The following DPP10 variants were observed in gnomAD, a reference collection of about 807,000 sequenced individuals.
The protein encoded by DPP10 is inactive dipeptidyl peptidase 10.
In DPP10, 33 loss-of-function variants were observed where a neutral mutation model predicts 120.9. The observed-to-expected ratio is 0.27, with a 90% CI of 0.21 to 0.37. The LOEUF (loss-of-function observed/expected upper bound fraction) is 0.37, where lower values mean the gene tolerates loss of function less well. Ranked by LOEUF, DPP10 falls within the 10% of genes least tolerant of loss-of-function variation. DPP10 has a pLI of 1.00. For missense variants in DPP10, 816 were observed against 942.8 expected (o/e 0.87, Z 1.76); for synonymous variants, 337 against 326.1 (o/e 1.03, Z -0.36).
intron 1 of DPP10, among the ~76,000 whole-genome samples, chr2:114,978,668 C>T (rs1699897848): frequency 6.6e-6 from 1 of 152,080 alleles, no homozygotes; most frequent in Admixed American, 6.6e-5. Flanking sequence ...CTTCCAAGTC[C>T]TGGTTTCAGC....
chr2:114,929,868 G>A (rs1695940221), intron 1 of DPP10, among the ~76,000 whole-genome samples: 1 of 152,190 alleles, frequency 6.6e-6, no homozygotes, highest in African/African-American at 2.4e-5. Context: ...TTCAGAGACT[G>A]CAGTAACGAC....
rs186893376 is a variant in DPP10, at chr2:115,282,836, A to G, written c.61-26403A>G. The stretch of plus-strand genomic sequence containing the variant: ...TTTGTTTCAGTCTCACTGACAAAAT[A>G]CCTTTCCCATTTTGTGCCTTAATTT... On this transcript the variant is annotated intron_variant, in intron 1 of 25. Transcript: ENST00000410059. Among the ~76,000 whole-genome samples the G allele has an allele frequency of 3.7e-3, 557 of 151,816 alleles. 4 individuals carry two copies. The highest frequency in any genetic ancestry group is 0.012 in the African/African-American group (494 of 41,142).
intron 1 of DPP10, among the ~76,000 whole-genome samples, chr2:115,105,336 C>A (rs1422443050): frequency 6.6e-6 from 1 of 151,828 alleles, no homozygotes; most frequent in Non-Finnish European, 1.5e-5. Flanking sequence ...GTCCAAGAAG[C>A]ATGGTGCTAG....
intron 3 of DPP10, among the ~76,000 whole-genome samples, chr2:115,346,566 C>G (rs946716925): frequency 6.6e-6 from 1 of 152,104 alleles, no homozygotes; most frequent in African/African-American, 2.4e-5. Flanking sequence ...CGGCCTTACC[C>G]CAAGTCTGCT....
At chr2:115,387,219 T>C (rs957311924) in intron 3 of DPP10, among the ~76,000 whole-genome samples, 11 of 152,100 alleles carry the variant, frequency 7.2e-5, no homozygotes, top group Admixed American at 2.6e-4. Context: ...TTTCTAGCAA[T>C]AGAAGGCTCC....
intron 1 of DPP10, among the ~76,000 whole-genome samples, chr2:114,487,627 TAATA>T (rs1226310242): frequency 6.6e-6 from 1 of 152,214 alleles, no homozygotes; most frequent in African/African-American, 2.4e-5. Context: ...ACAGTGTCTT[TAATA>T]AATCAATTTA....
chr2:115,384,185 G>C (rs1412452068), intron 3 of DPP10, among the ~76,000 whole-genome samples: 1 of 152,096 alleles, frequency 6.6e-6, no homozygotes, highest in African/African-American at 2.4e-5. Context: ...ATAGAAACCA[G>C]AGTTCCTCTT....
At chr2:114,698,436 C>T (rs116367556) in intron 1 of DPP10, among the ~76,000 whole-genome samples, 4,980 of 152,210 alleles carry the variant, frequency 0.033, 124 homozygotes, top group Middle Eastern at 0.065. Flanking sequence ...AGCCAAGACT[C>T]CCCAGGGTGC....
At chr2:115,103,184 CTTTTTTTTTTTTTT>C (rs71394123) in intron 1 of DPP10, among the ~76,000 whole-genome samples, 1 of 122,154 alleles carries the variant, frequency 8.2e-6, no homozygotes, top group East Asian at 2.3e-4. Context: ...CTGATTCTCT[CTTTTTTTTTTTTTT>C]TTTTTTTGAG....
In DPP10 at chr2:115,397,760, A is replaced by T. The variant is rs185767665; in HGVS notation, c.271+53848A>T. 4.6e-5 allele frequency among the ~76,000 whole-genome samples: 7 copies of T among 152,134 alleles called. 1 individual carries two copies. The East Asian group carries it at 1.4e-3, about 29-fold the overall frequency. On this transcript the variant is annotated intron_variant, in intron 3 of 25. Coordinates refer to ENST00000410059, the MANE Select transcript of DPP10 (RefSeq NM_020868.6). ...TTGGCTGTGATTTTCCGGTTACTTG[A>T]ATTTCTTGTCTGCCTTCTTTGAGCT...
intron 3 of DPP10, among the ~76,000 whole-genome samples, chr2:115,498,772 G>A (rs891179957): frequency 5.4e-5 from 8 of 149,484 alleles, no homozygotes; most frequent in East Asian, 3.9e-4. Flanking sequence ...GTTTTACCTC[G>A]TTAGTAATTT....
chr2:115,815,129 T>C (rs79224686), intron 20 of DPP10, 142 bp downstream of exon 20: 48 of 564,014 alleles, frequency 8.5e-5, no homozygotes, highest in Non-Finnish European at 1.2e-4. Flanking sequence ...GCCTATTTCA[T>C]TTTTTTTTTG....
At chr2:115,193,655 C>A (rs955932807) in intron 1 of DPP10, among the ~76,000 whole-genome samples, 58 of 152,314 alleles carry the variant, frequency 3.8e-4, no homozygotes, top group African/African-American at 9.4e-4. Flanking sequence ...AAAAGGCGTA[C>A]TTAGAATCGG....
intron 1 of DPP10, among the ~76,000 whole-genome samples, chr2:114,737,441 A>C (rs1677560805): frequency 6.6e-6 from 1 of 152,210 alleles, no homozygotes; most frequent in South Asian, 2.1e-4. Context: ...CAGGAGAGAG[A>C]AATCTGCCTG....
chr2:115,495,149 C>T (rs1039065149), intron 3 of DPP10, among the ~76,000 whole-genome samples: 16 of 151,650 alleles, frequency 1.1e-4, no homozygotes, highest in African/African-American at 2.7e-4. Flanking sequence ...AGGATTAAGG[C>T]GAAATATGAA....
chr2:115,019,268 T>C (rs1702896461), intron 1 of DPP10, among the ~76,000 whole-genome samples: 1 of 151,808 alleles, frequency 6.6e-6, no homozygotes, highest in Non-Finnish European at 1.5e-5. Context: ...ATCAAATAAA[T>C]AAATAAAATG....
chr2:115,679,934 C>T (rs1471853574), intron 5 of DPP10, among the ~76,000 whole-genome samples: 3 of 151,708 alleles, frequency 2.0e-5, no homozygotes, highest in Admixed American at 6.6e-5. Flanking sequence ...TATACTACCT[C>T]GGGCAACTAT....
chr2:114,949,089 T>A (rs1697583103), intron 1 of DPP10, among the ~76,000 whole-genome samples: 1 of 152,058 alleles, frequency 6.6e-6, no homozygotes, highest in South Asian at 2.1e-4. Flanking sequence ...CACACCCGGC[T>A]AATTTTTGTA....
chr2:115,353,315 C>T (rs976763364), intron 3 of DPP10, among the ~76,000 whole-genome samples: 2 of 151,926 alleles, frequency 1.3e-5, no homozygotes, highest in Admixed American at 6.6e-5. Flanking sequence ...GTAAGTTTAA[C>T]GGTAAGGAAA....
Sources: gnomAD v4.1 joint callset for allele counts (sites outside exome capture counted in the v4.1 genomes callset) on GRCh38, gnomAD v4.1.1 for gene constraint, MANE v1.5 for transcripts, NCBI Gene and HGNC (gene_info 2026-07-23, HGNC 2026-07-21) for gene names.